C10orf90: variants seen among roughly 807,000 people sequenced by gnomAD.
The protein encoded by C10orf90 is (E2-independent) E3 ubiquitin-conjugating enzyme FATS.
A neutral mutation model predicts 62.5 loss-of-function variants in C10orf90; 56 were observed. The ratio of observed to expected loss-of-function variants is 0.90; its 90% CI spans 0.72 to 1.12. The LOEUF is 1.12. C10orf90 is among the 50% of genes most tolerant of loss of function. The pLI, the probability that C10orf90 is intolerant of heterozygous loss-of-function variation, is 0.00. For synonymous variants in C10orf90, 386 were observed against 340.4 expected (o/e 1.13, Z -1.47); for missense variants, 970 against 880.4 (o/e 1.10, Z -1.29).
chr10:126,502,493 C>T (rs1862460692), intron 4 of C10orf90, among the ~76,000 whole-genome samples: 1 of 152,220 alleles, frequency 6.6e-6, no homozygotes, highest in Non-Finnish European at 1.5e-5. Context: ...ATCTTCTCTG[C>T]ACCACCAAAG....
chr10:126,516,881 G>A (rs890636972), intron 2 of C10orf90, among the ~76,000 whole-genome samples: 5 of 152,220 alleles, frequency 3.3e-5, no homozygotes, highest in African/African-American at 1.2e-4. Context: ...GAGGCTCACA[G>A]CCCCGCATCA....
chr10:126,625,454 C>A (rs1352028843), intron 2 of C10orf90, among the ~76,000 whole-genome samples: 1 of 152,170 alleles, frequency 6.6e-6, no homozygotes, highest in Admixed American at 6.5e-5. Context: ...TGTTTAGCAT[C>A]CTGCTTAACT....
chr10:126,564,996 T>TAA (rs1844293425), intron 2 of C10orf90, among the ~76,000 whole-genome samples: 6 of 13,112 alleles, frequency 4.6e-4, no homozygotes, highest in Admixed American at 1.7e-3. Flanking sequence ...AAAATATATA[T>TAA]TATATATAAT....
intron 2 of C10orf90, among the ~76,000 whole-genome samples, chr10:126,616,080 A>G (rs1368981214): frequency 6.6e-6 from 1 of 152,164 alleles, no homozygotes; most frequent in Non-Finnish European, 1.5e-5. Context: ...TGGACCATTG[A>G]CCAGAGATAC....
rs376477858 is a variant in C10orf90 at position 126,429,996 on chromosome 10, T to C, written c.2189-146A>G. On this transcript the variant is annotated intron_variant, in intron 7 of 9. Transcript: ENST00000488181. Reference sequence around the variant, plus strand: ...CTAAGCAGAACTCAGTAGAGACTGATACACCATAAGTGGTTGTATTGACAA... The same window carrying C: ...CTAAGCAGAACTCAGTAGAGACTGACACACCATAAGTGGTTGTATTGACAA... 5.5e-4 allele frequency: 391 copies of C among 707,200 alleles called. 5 individuals are homozygous for C. In the South Asian group the frequency reaches 6.2e-3, roughly 11 times the overall value. 43.8% of individuals were successfully genotyped at this position (707,200 alleles called of 1,614,324 possible). A position where few individuals can be genotyped will look rare whatever the true frequency, so the allele number is the denominator to read the frequency against.
Position 126,642,329 on chromosome 10 carries a change from G to A in C10orf90, c.313+4236C>T, listed in dbSNP as rs190865090. On this transcript the variant is annotated intron_variant, in intron 2 of 9. Coordinates refer to ENST00000488181, the MANE Select transcript of C10orf90 (RefSeq NM_001350921.2). Reference sequence around the variant, plus strand: ...GGGCAGATCACGAGGTCGGGAGATCGAGACCATCCTGGCTAACATGGTGAA... The same window carrying A: ...GGGCAGATCACGAGGTCGGGAGATCAAGACCATCCTGGCTAACATGGTGAA... Among the ~76,000 whole-genome samples, 760 of 152,160 alleles carry A rather than the reference G, an allele frequency of 5.0e-3. 10 individuals carry two copies. The highest frequency in any genetic ancestry group is 0.017 in the African/African-American group (725 of 41,496).
chr10:126,454,256 C>G (rs907694596), intron 7 of C10orf90, among the ~76,000 whole-genome samples: 2 of 150,938 alleles, frequency 1.3e-5, no homozygotes, highest in Non-Finnish European at 3.0e-5. Context: ...ATATGACTTG[C>G]AGAAGATGTA....
chr10:126,570,633 C>A (rs913249304), intron 2 of C10orf90, among the ~76,000 whole-genome samples: 2 of 152,160 alleles, frequency 1.3e-5, no homozygotes, highest in Non-Finnish European at 2.9e-5. Context: ...ATTGTAAAAT[C>A]ATTCTCAAAG....
intron 6 of C10orf90, 122 bp from the exon 7 acceptor site, chr10:126,459,339 G>T: frequency 2.9e-6 from 3 of 1,033,698 alleles, no homozygotes; most frequent in Non-Finnish European, 4.4e-6. Flanking sequence ...AAGCCACGGT[G>T]CAAAAGTACG....
At chr10:126,637,210 G>C (rs1300313440) in intron 2 of C10orf90, among the ~76,000 whole-genome samples, 2 of 152,200 alleles carry the variant, frequency 1.3e-5, no homozygotes, top group Non-Finnish European at 2.9e-5. Context: ...CTGATGCCAG[G>C]AGGAGGGCAG....
intron 2 of C10orf90, among the ~76,000 whole-genome samples, chr10:126,566,723 G>T (rs879444339): frequency 6.6e-6 from 1 of 152,196 alleles, no homozygotes; most frequent in Non-Finnish European, 1.5e-5. Flanking sequence ...GAGGACCACA[G>T]GTGCTGACCT....
At chr10:126,649,452 C>T (rs886155574) in intron 1 of C10orf90, among the ~76,000 whole-genome samples, 1 of 151,992 alleles carries the variant, frequency 6.6e-6, no homozygotes, top group Non-Finnish European at 1.5e-5. Context: ...CTATGAGCTC[C>T]CCTCATCTCC....
intron 7 of C10orf90, among the ~76,000 whole-genome samples, chr10:126,447,624 T>C (rs1387249705): frequency 6.6e-6 from 1 of 152,134 alleles, no homozygotes; most frequent in East Asian, 1.9e-4. Flanking sequence ...GAACAGATCA[T>C]CTTGAAGGAA....
At chr10:126,636,831 T>C (rs1179536899) in intron 2 of C10orf90, among the ~76,000 whole-genome samples, 1 of 152,184 alleles carries the variant, frequency 6.6e-6, no homozygotes, top group Non-Finnish European at 1.5e-5. Flanking sequence ...AAGTCTATTC[T>C]CTCCATGCCT....
intron 2 of C10orf90, among the ~76,000 whole-genome samples, chr10:126,626,462 C>T (rs529855099): frequency 5.3e-5 from 8 of 152,160 alleles, no homozygotes; most frequent in African/African-American, 1.4e-4. Context: ...GGGTACCAGA[C>T]GCTTGGGGTC....
Position 126,429,773 on chromosome 10 carries a change from C to A in C10orf90, c.2252+14G>T. On this transcript the variant is annotated intron_variant, in intron 8 of 9. Transcript: ENST00000488181. The stretch of plus-strand genomic sequence containing the variant: ...CCCACCAACTTCTTTGCACACCATA[C>A]AATAACCAAGTACCTCTTAGATCGC... 1 of 1,613,466 alleles carries A rather than the reference C, an allele frequency of 6.2e-7. No homozygotes were observed. Among genetic ancestry groups the A allele is most frequent in the Non-Finnish European group, 8.5e-7 (1 of 1,179,506 alleles).
chr10:126,524,749 G>C, intron 2 of C10orf90: 1 of 985,466 alleles, frequency 1.0e-6, no homozygotes, highest in Non-Finnish European at 1.2e-6. Context: ...ATGGCCCCTA[G>C]GGTGCCATCT....
chr10:126,605,292 T>TCCAGCGCTCTCCTCTCCCGACC lies in C10orf90; in HGVS notation c.313+41251_313+41272dup, dbSNP rs577405301. ...GGAAGCAGGAAGGGATTTCTCTGAC[T>TCCAGCGCTCTCCTCTCCCGACC]CCAGCGCTCTCCTCTCCCGACCCCA... On this transcript the variant is annotated intron_variant, in intron 2 of 9. Transcript: ENST00000488181. Among the ~76,000 whole-genome samples the TCCAGCGCTCTCCTCTCCCGACC allele has an allele frequency of 6.0e-3, 907 of 152,284 alleles. 8 individuals are homozygous for TCCAGCGCTCTCCTCTCCCGACC. Among genetic ancestry groups the TCCAGCGCTCTCCTCTCCCGACC allele is most frequent in the African/African-American group, 0.021 (874 of 41,566 alleles).
chr10:126,600,689 C>T (rs1484411072), intron 2 of C10orf90, among the ~76,000 whole-genome samples: 3 of 152,074 alleles, frequency 2.0e-5, no homozygotes, highest in African/African-American at 7.2e-5. Flanking sequence ...ACAGTCCCAG[C>T]TACACATAAA....
Sources: gnomAD v4.1 joint callset for allele counts (sites outside exome capture counted in the v4.1 genomes callset) on GRCh38, gnomAD v4.1.1 for gene constraint, MANE v1.5 for transcripts, NCBI Gene and HGNC (gene_info 2026-07-23, HGNC 2026-07-21) for gene names.